Variants in PALS1 observed in about 807,000 individuals in gnomAD.
PALS1 encodes protein associated with LIN7 1, MAGUK p55 family member.
PALS1 carries 31 observed loss-of-function variants against 78.9 expected under a neutral mutation model. The ratio of observed to expected loss-of-function variants is 0.39; its 90% CI spans 0.30 to 0.53. PALS1 has a LOEUF of 0.53. PALS1 is among the 20% of genes least tolerant of loss of function. PALS1 has a pLI of 0.67. For missense variants in PALS1, 704 were observed against 826.5 expected (o/e 0.85, Z 1.82); for synonymous variants, 276 against 270.9 (o/e 1.02, Z -0.18).
At chr14:67,287,774 T>G (rs2084713181) in intron 3 of PALS1, among the ~76,000 whole-genome samples, 1 of 152,222 alleles carries the variant, frequency 6.6e-6, no homozygotes, top group African/African-American at 2.4e-5. Flanking sequence ...GACCAGCATT[T>G]TAAAAGTTTG....
At chr14:67,308,808 C>A (rs2085047859) in intron 8 of PALS1, among the ~76,000 whole-genome samples, 1 of 152,064 alleles carries the variant, frequency 6.6e-6, no homozygotes, top group Admixed American at 6.6e-5. Flanking sequence ...ATGTACTACT[C>A]TACTTACTAT....
intron 14 of PALS1, among the ~76,000 whole-genome samples, chr14:67,324,728 C>A (rs2085324043): frequency 6.6e-6 from 1 of 151,718 alleles, no homozygotes. Flanking sequence ...GGGACTATAG[C>A]CATGCACCAC....
chr14:67,278,679 C>T (rs2084549377), intron 2 of PALS1, among the ~76,000 whole-genome samples: 1 of 152,132 alleles, frequency 6.6e-6, no homozygotes, highest in Non-Finnish European at 1.5e-5. Context: ...GATTAAAACA[C>T]CTTTTATGTT....
At position 67,323,739 on chromosome 14, in the gene PALS1, A is replaced by G. The variant is rs767776735; in HGVS notation, c.1778A>G (p.Tyr593Cys). 9 of 1,602,198 alleles carry G rather than the reference A, an allele frequency of 5.6e-6. No individual in the cohort carries two copies. The highest frequency in any genetic ancestry group is 1.4e-5 in the African/African-American group (1 of 74,056). ...KTLRNSDLKP[Y>C]IIFIAPPSQE... is the part of the protein sequence containing the mutation. ...CTCCGGAATTCAGATTTGAAACCAT[A>G]TATTATCTTCATTGCACCCCCTTCA... Residue 593 changes from tyrosine to cysteine, a missense_variant, in exon 14 of 15, where the codon TAT (tyrosine) becomes TGT (cysteine). Tyr to Cys is a radical substitution (Grantham distance 194). Coordinates refer to ENST00000261681, the MANE Select transcript of PALS1 (RefSeq NM_022474.4).
At chr14:67,261,942 C>CA (rs1329153544) in intron 1 of PALS1, among the ~76,000 whole-genome samples, 2 of 151,640 alleles carry the variant, frequency 1.3e-5, no homozygotes, top group African/African-American at 4.8e-5. Context: ...ATTTTAAAGG[C>CA]AAAAAAAGGA....
At position 67,321,701 on chromosome 14, in the gene PALS1, G is replaced by A. The variant is rs548791283; in HGVS notation, c.1740+442G>A. On this transcript the variant is annotated intron_variant, in intron 13 of 14. Coordinates refer to ENST00000261681, the MANE Select transcript of PALS1 (RefSeq NM_022474.4). ...TGCTCCTGTATTTTGACTATGACCC[G>A]TCACATGAGGCCAGGGTAACGTTTT... 1.8e-4 allele frequency among the ~76,000 whole-genome samples: 27 copies of A among 152,150 alleles called. No individual in the cohort carries two copies. The East Asian group carries it at 3.5e-3, about 20-fold the overall frequency.
intron 14 of PALS1, among the ~76,000 whole-genome samples, chr14:67,326,455 G>A (rs141867089): frequency 1.4e-3 from 212 of 151,842 alleles, no homozygotes; most frequent in African/African-American, 4.3e-3. Flanking sequence ...TTTCTAATTA[G>A]AACTTTCTGA....
At chr14:67,301,298 T>TA in intron 4 of PALS1, 91 bp from the exon 5 acceptor site, 1 of 603,872 alleles carries the variant, frequency 1.7e-6, no homozygotes, top group Admixed American at 3.3e-5. Context: ...TTTATTATTT[T>TA]AATTTGTACT....
Position 67,323,752 on chromosome 14 carries a change from T to C in PALS1, c.1791T>C (p.Ile597=). The C allele has an allele frequency of 1.2e-6, 2 of 1,606,246 alleles. No individual in the cohort carries two copies. Among genetic ancestry groups the C allele is most frequent in the South Asian group, 2.2e-5 (2 of 89,748 alleles). The part of the protein sequence containing the change: ...NSDLKPYIIF[I]APPSQERLRA... ...ATTTGAAACCATATATTATCTTCAT[T>C]GCACCCCCTTCACAAGAAAGACTTC... Residue 597 remains isoleucine, a synonymous_variant, in exon 14 of 15, where the codon ATT becomes ATC. Transcript: ENST00000261681.
intron 14 of PALS1, among the ~76,000 whole-genome samples, chr14:67,329,185 T>C (rs984983362): frequency 1.3e-5 from 2 of 152,180 alleles, no homozygotes; most frequent in African/African-American, 4.8e-5. Flanking sequence ...CTTGAAGAGG[T>C]CCTTCACATC....
At chr14:67,301,769 G>A (rs907738272) in intron 5 of PALS1, among the ~76,000 whole-genome samples, 11 of 152,016 alleles carry the variant, frequency 7.2e-5, no homozygotes, top group South Asian at 4.1e-4. Flanking sequence ...GTTATCTTCC[G>A]AAGTTTAGTA....
At chr14:67,292,950 A>G (rs1036395997) in intron 4 of PALS1, among the ~76,000 whole-genome samples, 1 of 152,172 alleles carries the variant, frequency 6.6e-6, no homozygotes, top group African/African-American at 2.4e-5. Context: ...TTTTATATAT[A>G]ATCATAAATT....
intron 1 of PALS1, among the ~76,000 whole-genome samples, chr14:67,246,691 G>T (rs568602185): frequency 8.6e-6 from 1 of 116,924 alleles, no homozygotes; most frequent in Non-Finnish European, 1.7e-5. Context: ...TTGCTCTCTC[G>T]CCAGGCTGGA....
In PALS1 at chr14:67,315,558, A is replaced by G. The variant is rs1424159778; in HGVS notation, c.1226-1274A>G. On this transcript the variant is annotated intron_variant, in intron 9 of 14. Transcript: ENST00000261681. ...CTCAAAGTGTTGGGATTACAGGCAT[A>G]AGCCACTGCACCCGACCCCTTTAAA... is the stretch of plus-strand genomic sequence containing the variant. 1.9e-4 allele frequency among the ~76,000 whole-genome samples: 29 copies of G among 152,140 alleles called. 1 individual carries two copies. Among genetic ancestry groups the G allele is most frequent in the Admixed American group, 1.8e-3 (27 of 15,284 alleles).
At chr14:67,268,689 T>C (rs988691365) in intron 1 of PALS1, among the ~76,000 whole-genome samples, 1 of 152,192 alleles carries the variant, frequency 6.6e-6, no homozygotes, top group Non-Finnish European at 1.5e-5. Flanking sequence ...TAGCATATAG[T>C]GAGCAGTGAG....
chr14:67,333,813 AC>A lies in PALS1; in HGVS notation c.*858del, dbSNP rs1179925877. 1 of 143,428 alleles carries A rather than the reference AC, an allele frequency of 7.0e-6. No homozygotes were observed. Among genetic ancestry groups the A allele is most frequent in the Admixed American group, 7.1e-5 (1 of 14,130 alleles). 8.9% of individuals were successfully genotyped at this position (143,428 alleles called of 1,614,324 possible). On this transcript the variant is annotated 3_prime_UTR_variant, in exon 15 of 15. Coordinates refer to ENST00000261681, the MANE Select transcript of PALS1 (RefSeq NM_022474.4). ...CAGGTGTTCATTATAATCTGTATTG[AC>A]TTAAAAAGTTTCTTCCTCATGATGC...
Position 67,333,901 on chromosome 14 carries a change from G to A in PALS1, c.*945G>A, listed in dbSNP as rs1428467922. On this transcript the variant is annotated 3_prime_UTR_variant, in exon 15 of 15. Coordinates refer to ENST00000261681, the MANE Select transcript of PALS1 (RefSeq NM_022474.4). ...TGACAGTTTTTGCATTTTTATGTAT[G>A]AGCACAGTATCCTATGACTGTGCTA... is the stretch of plus-strand genomic sequence containing the variant. The A allele has an allele frequency of 1.3e-5, 2 of 152,566 alleles. No homozygotes were observed. The highest frequency in any genetic ancestry group is 2.9e-5 in the Non-Finnish European group (2 of 68,004). 9.5% of individuals were successfully genotyped at this position (152,566 alleles called of 1,614,324 possible).
intron 3 of PALS1, among the ~76,000 whole-genome samples, chr14:67,290,699 T>A (rs2084758067): frequency 6.6e-6 from 1 of 151,464 alleles, no homozygotes; most frequent in Admixed American, 6.6e-5. Flanking sequence ...TGCCTAGACA[T>A]TTTTTATATT....
chr14:67,259,018 T>C (rs2084189203), intron 1 of PALS1, among the ~76,000 whole-genome samples: 1 of 151,006 alleles, frequency 6.6e-6, no homozygotes, highest in African/African-American at 2.4e-5. Flanking sequence ...AATTTTTGTA[T>C]TTTTAGTAGA....
Sources: gnomAD v4.1 joint callset for allele counts (sites outside exome capture counted in the v4.1 genomes callset) on GRCh38, gnomAD v4.1.1 for gene constraint, MANE v1.5 for transcripts, NCBI Gene and HGNC (gene_info 2026-07-23, HGNC 2026-07-21) for gene names.